SESN1: variants seen among roughly 807,000 people sequenced by gnomAD.
SESN1 encodes the protein sestrin 1, also known as sestrin-1.
Under a neutral mutation model 59.3 loss-of-function variants are expected in SESN1, and 30 were observed. The observed-to-expected ratio is 0.51, with a 90% CI of 0.38 to 0.69. The LOEUF (loss-of-function observed/expected upper bound fraction) is 0.69. Among genes scored for constraint, SESN1 ranks in the 30% least tolerant of loss-of-function variants. The pLI is 0.00. For synonymous variants in SESN1, 197 were observed against 219.9 expected (o/e 0.90, Z 0.92); for missense variants, 566 against 673.0 (o/e 0.84, Z 1.76).
At chr6:109,026,755 AGCCTCCCAAAGT>A (rs1780100484) in intron 1 of SESN1, among the ~76,000 whole-genome samples, 1 of 152,106 alleles carries the variant, frequency 6.6e-6, no homozygotes, top group Non-Finnish European at 1.5e-5. Context: ...CGCCCGCCTC[AGCCTCCCAAAGT>A]GCTGGGATTG....
intron 1 of SESN1, among the ~76,000 whole-genome samples, chr6:109,051,479 G>C (rs543084997): frequency 6.6e-6 from 1 of 152,222 alleles, no homozygotes; most frequent in South Asian, 2.1e-4. Context: ...ACCCTTTAAG[G>C]AATGTTTAAA....
Position 108,987,280 on chromosome 6 carries a change from C to CAGTT in SESN1, c.*260_*263dup. On this transcript the variant is annotated 3_prime_UTR_variant, in exon 10 of 10. Coordinates refer to ENST00000436639, the MANE Select transcript of SESN1 (RefSeq NM_014454.3). ...AGAGTTACTATTTGCTGTATTAAAA[C>CAGTT]AGTTACACAGCATCTTGTACTGTCA... 1 of 346,000 alleles carries CAGTT rather than the reference C, an allele frequency of 2.9e-6. No homozygotes were observed. Among genetic ancestry groups the CAGTT allele is most frequent in the South Asian group, 1.1e-4 (1 of 8,704 alleles). 21.4% of individuals were successfully genotyped at this position (346,000 alleles called of 1,614,324 possible).
intron 1 of SESN1, among the ~76,000 whole-genome samples, chr6:109,003,214 A>AT (rs1562456769): frequency 6.6e-6 from 1 of 151,520 alleles, no homozygotes; most frequent in Non-Finnish European, 1.5e-5. Context: ...TCATTTAAAA[A>AT]TTTTTTTTAG....
chr6:108,988,773 A>G (rs1370102266), intron 8 of SESN1, 86 bp from the exon 9 acceptor site: 1 of 1,086,136 alleles, frequency 9.2e-7, no homozygotes, highest in Non-Finnish European at 1.3e-6. Flanking sequence ...AATAGTTAAT[A>G]CTGTATTTTT....
intron 3 of SESN1, 122 bp from the exon 4 acceptor site, chr6:109,000,795 C>T: frequency 2.6e-6 from 2 of 773,734 alleles, no homozygotes; most frequent in Non-Finnish European, 3.6e-6. Context: ...TTTCCGTAAA[C>T]TACAGAAATG....
At chr6:109,009,499 A>T (rs1779813031) in intron 1 of SESN1, 1 of 1,214,352 alleles carries the variant, frequency 8.2e-7, no homozygotes, top group African/African-American at 1.6e-5. Context: ...GGAGGCGGCG[A>T]GCGCTGGGCA....
At chr6:109,064,383 A>G (rs1301813232) in intron 1 of SESN1, among the ~76,000 whole-genome samples, 4 of 151,410 alleles carry the variant, frequency 2.6e-5, no homozygotes, top group Non-Finnish European at 5.9e-5. Flanking sequence ...GCTCCAAAGC[A>G]TCATGGATTC....
Position 108,985,310 on chromosome 6 carries a change from T to C in SESN1, c.*2234A>G, listed in dbSNP as rs1215476478. 1.3e-5 allele frequency among the ~76,000 whole-genome samples: 2 copies of C among 152,162 alleles called. No individual in the cohort carries two copies. Among genetic ancestry groups the C allele is most frequent in the African/African-American group, 4.8e-5 (2 of 41,444 alleles). ...ACAACTCAAGATTTTAACTCTTGAA[T>C]CCTGGGACCCTCAACCAGAAATCTT... On this transcript the variant is annotated 3_prime_UTR_variant, in exon 10 of 10. Transcript: ENST00000436639.
intron 1 of SESN1, among the ~76,000 whole-genome samples, chr6:109,057,766 C>T (rs138886280): frequency 1.3e-5 from 2 of 152,292 alleles, no homozygotes; most frequent in East Asian, 3.9e-4. Context: ...TAAAACATGT[C>T]TCCCTTTGAC....
chr6:109,016,629 C>T (rs1444404565), intron 1 of SESN1, among the ~76,000 whole-genome samples: 1 of 152,130 alleles, frequency 6.6e-6, no homozygotes, highest in Non-Finnish European at 1.5e-5. Flanking sequence ...ACTCTGTGGG[C>T]CATTTTCCCC....
In SESN1 at chr6:108,988,534, G is replaced by C. The variant is rs776721407; in HGVS notation, c.1569+9C>G. Reference sequence around the variant, plus strand: ...GTTACAAAGTAAATAAGCCACAATAGGCACATACCTTCTCAGAGTGCTTGA... The same window carrying C: ...GTTACAAAGTAAATAAGCCACAATACGCACATACCTTCTCAGAGTGCTTGA... On this transcript the variant is annotated intron_variant, in intron 9 of 9. Transcript: ENST00000436639. 34 of 1,597,722 alleles carry C rather than the reference G, an allele frequency of 2.1e-5. No individual in the cohort carries two copies. The highest frequency in any genetic ancestry group is 2.9e-5 in the Non-Finnish European group (34 of 1,173,842).
intron 1 of SESN1, 55 bp from the exon 2 acceptor site, chr6:109,002,398 A>G (rs1374582610): frequency 7.1e-7 from 1 of 1,415,090 alleles, no homozygotes; most frequent in Non-Finnish European, 1.0e-6. Context: ...AAATGAACTG[A>G]GGCTAAAGGA....
At chr6:109,046,388 A>G (rs1311617386) in intron 1 of SESN1, among the ~76,000 whole-genome samples, 3 of 151,458 alleles carry the variant, frequency 2.0e-5, no homozygotes, top group Non-Finnish European at 4.4e-5. Flanking sequence ...CTCAGTGCTC[A>G]ATGGTGCCCA....
intron 1 of SESN1, among the ~76,000 whole-genome samples, chr6:109,063,063 G>A (rs755246708): frequency 3.9e-5 from 6 of 152,116 alleles, no homozygotes; most frequent in East Asian, 1.9e-4. Flanking sequence ...TATACCAAAC[G>A]AATGGGTTAT....
Position 109,053,045 on chromosome 6 carries a change from GAT to G in SESN1, c.279+40748_279+40749del, listed in dbSNP as rs1491577305. Among the ~76,000 whole-genome samples, 15 of 151,382 alleles carry G rather than the reference GAT, an allele frequency of 9.9e-5. No individual in the cohort carries two copies. In the South Asian group the frequency reaches 3.1e-3, roughly 32 times the overall value. On this transcript the variant is annotated intron_variant, in intron 1 of 9. Transcript: ENST00000436639. ...AATAAAAGGAGCTGTTCAAGACTAG[GAT>G]GTGTGTGTGTGTGTGTGTGCGTGCG...
intron 1 of SESN1, among the ~76,000 whole-genome samples, chr6:109,005,032 A>T (rs190118760): frequency 5.9e-5 from 9 of 152,366 alleles, no homozygotes; most frequent in Admixed American, 5.9e-4. Context: ...GATCAAAATT[A>T]AAAAGTCCCA....
At chr6:108,989,516 T>TATCTATATATATAG (rs1779305506) in intron 8 of SESN1, among the ~76,000 whole-genome samples, 2 of 148,348 alleles carry the variant, frequency 1.3e-5, no homozygotes, top group African/African-American at 5.0e-5. Context: ...TATATATATA[T>TATCTATATATATAG]AGAGAGATAT....
chr6:109,006,206 G>T (rs1318389922), intron 1 of SESN1, among the ~76,000 whole-genome samples: 1 of 152,146 alleles, frequency 6.6e-6, no homozygotes, highest in Non-Finnish European at 1.5e-5. Context: ...TCATGAAAAA[G>T]TCAAGAGTCT....
intron 1 of SESN1, among the ~76,000 whole-genome samples, chr6:109,050,384 T>G (rs1033560922): frequency 1.4e-5 from 2 of 140,170 alleles, no homozygotes; most frequent in East Asian, 3.9e-4. Flanking sequence ...ATTGTTTAAA[T>G]TGTTAAAAAA....
Sources: allele counts gnomAD v4.1 joint callset (sites outside exome capture counted in the v4.1 genomes callset), GRCh38; gene constraint gnomAD v4.1.1; transcripts MANE v1.5; gene names NCBI Gene and HGNC (gene_info 2026-07-23, HGNC 2026-07-21).